Variants in DNAJC2 observed in about 807,000 individuals in gnomAD.
DNAJC2 encodes the protein DnaJ heat shock protein family (Hsp40) member C2, also known as dnaJ homolog subfamily C member 2.
DNAJC2 carries 32 observed loss-of-function variants against 94.0 expected under a neutral mutation model. The observed-to-expected ratio is 0.34, with a 90% CI of 0.26 to 0.46. The LOEUF (loss-of-function observed/expected upper bound fraction) is 0.46, where lower values mean the gene tolerates loss of function less well. Among genes scored for constraint, DNAJC2 ranks in the 20% least tolerant of loss-of-function variants. The pLI is 1.00. For missense variants in DNAJC2, 550 were observed against 719.5 expected, an observed-to-expected ratio of 0.76 and a Z score of 2.69; for synonymous variants, 210 against 229.7, an observed-to-expected ratio of 0.91 and a Z score of 0.77.
At chr7:103,343,972 T>C (rs1056159644) in intron 1 of DNAJC2, among the ~76,000 whole-genome samples, 13 of 152,230 alleles carry the variant, frequency 8.5e-5, no homozygotes, top group Non-Finnish European at 1.2e-4. Flanking sequence ...ACAATACTCA[T>C]GACTGTCCTG....
chr7:103,343,595 ACT>A (rs1233881707), intron 1 of DNAJC2, among the ~76,000 whole-genome samples: 1 of 152,122 alleles, frequency 6.6e-6, no homozygotes, highest in African/African-American at 2.4e-5. Context: ...GACCACAGAA[ACT>A]CTCTGAAATT....
intron 2 of DNAJC2, among the ~76,000 whole-genome samples, chr7:103,341,169 T>C (rs190076393): frequency 1.4e-3 from 219 of 152,336 alleles, no homozygotes; most frequent in Non-Finnish European, 2.3e-3. Context: ...GCACTAGCCC[T>C]ATAACAGTAA....
At chr7:103,313,290 C>T in intron 15 of DNAJC2, 189 bp from the exon 16 acceptor site, 1 of 1,331,490 alleles carries the variant, frequency 7.5e-7, no homozygotes, top group Non-Finnish European at 9.6e-7. Context: ...AGATAGCTCA[C>T]ATCCCAGAAA....
At position 103,312,311 on chromosome 7, in the gene DNAJC2, A is replaced by G. The variant is rs376858307; in HGVS notation, c.*258T>C. ...AGATTGTTTGAACACATGTATTTAT[A>G]AAACAGAGCTAGAGAAAAATAAAAA... On this transcript the variant is annotated 3_prime_UTR_variant, in exon 17 of 17. Coordinates refer to ENST00000379263, the MANE Select transcript of DNAJC2 (RefSeq NM_014377.3). 2.1e-5 allele frequency: 34 copies of G among 1,603,130 alleles called. No individual in the cohort carries two copies. Among genetic ancestry groups the G allele is most frequent in the Non-Finnish European group, 2.7e-5 (32 of 1,179,318 alleles).
chr7:103,340,380 GCTTA>G (rs1819331557), intron 2 of DNAJC2, among the ~76,000 whole-genome samples: 1 of 152,114 alleles, frequency 6.6e-6, no homozygotes, highest in South Asian at 2.1e-4. Flanking sequence ...CTTTCTGAGT[GCTTA>G]CTTTTCTAAA....
chr7:103,327,597 C>A lies in DNAJC2; in HGVS notation c.430+59G>T. 3 of 1,148,250 alleles carry A rather than the reference C, an allele frequency of 2.6e-6. No individual in the cohort carries two copies. In the South Asian group the frequency reaches 4.0e-5, roughly 15 times the overall value. 71.1% of individuals were successfully genotyped at this position (1,148,250 alleles called of 1,614,324 possible). A position where few individuals can be genotyped will look rare whatever the true frequency, so the allele number is the denominator to read the frequency against. On this transcript the variant is annotated intron_variant, in intron 4 of 16. Transcript: ENST00000379263. ...ACAGTATGCATAAGAAACCCAATCCCAGCAATTAATAAATAACAATTACTA... is the reference window on the plus strand; with the variant it reads ...ACAGTATGCATAAGAAACCCAATCCAAGCAATTAATAAATAACAATTACTA...
Position 103,319,478 on chromosome 7 carries a change from A to G in DNAJC2, c.1242+131T>C, listed in dbSNP as rs1035166818. 1.6e-5 allele frequency: 15 copies of G among 956,624 alleles called. No individual in the cohort carries two copies. In the South Asian group the frequency reaches 1.6e-4, roughly 10 times the overall value. The allele number at this position is 956,624 out of a possible 1,614,324, so 59.3% of individuals were successfully genotyped here. On this transcript the variant is annotated intron_variant, in intron 12 of 16. Coordinates refer to ENST00000379263, the MANE Select transcript of DNAJC2 (RefSeq NM_014377.3). ...AAACCGAACACATAAAACAACAACAACAAAACAGTGGGAAACATAAAGAGA... is the reference window on the plus strand; with the variant it reads ...AAACCGAACACATAAAACAACAACAGCAAAACAGTGGGAAACATAAAGAGA...
intron 3 of DNAJC2, among the ~76,000 whole-genome samples, chr7:103,331,683 C>T (rs571552463): frequency 2.0e-5 from 3 of 152,284 alleles, no homozygotes; most frequent in South Asian, 4.1e-4. Context: ...TTTCTGCAGA[C>T]GTTTCATTCT....
intron 9 of DNAJC2, 23 bp from the exon 10 acceptor site, chr7:103,322,104 C>A (rs774036735): frequency 2.5e-6 from 4 of 1,576,472 alleles, no homozygotes; most frequent in Non-Finnish European, 1.7e-6. Flanking sequence ...GGAGTAAAAT[C>A]ATTTTAATAG....
At chr7:103,330,184 A>G (rs1391380663) in intron 3 of DNAJC2, among the ~76,000 whole-genome samples, 2 of 152,154 alleles carry the variant, frequency 1.3e-5, no homozygotes, top group African/African-American at 4.8e-5. Flanking sequence ...CTGAGCTATA[A>G]TTTTGCTATA....
Position 103,313,037 on chromosome 7 carries a change from T to C in DNAJC2, c.1701A>G (p.Lys567=), listed in dbSNP as rs769879647. The C allele has an allele frequency of 6.8e-6, 11 of 1,613,998 alleles. No homozygotes were observed. In the Admixed American group the frequency reaches 1.2e-4, roughly 17 times the overall value. ...EEQKLLEQAL[K]TYPVNTPERW... is the part of the protein sequence containing the mutation. ...TTTCAGGTGTATTTACTGGGTATGT[T>C]TTCAAAGCTTGTTCCAAAAGCTTCT... The change falls in exon 16 of 17, where the codon AAA becomes AAG. Residue 567 remains lysine, a synonymous_variant. Coordinates refer to ENST00000379263, the MANE Select transcript of DNAJC2 (RefSeq NM_014377.3).
rs1196666895 is a variant in DNAJC2 at position 103,343,093 on chromosome 7, G to A, written c.65-1139C>T. 4.6e-5 allele frequency among the ~76,000 whole-genome samples: 7 copies of A among 151,778 alleles called. No individual in the cohort carries two copies. In the South Asian group the frequency reaches 1.0e-3, roughly 23 times the overall value. On this transcript the variant is annotated intron_variant, in intron 1 of 16. Coordinates refer to ENST00000379263, the MANE Select transcript of DNAJC2 (RefSeq NM_014377.3). Reference sequence around the variant, plus strand: ...CGGCTCACTGCAACCTCCGCCTCCCGGGTTCAAACGATTCTTCTGCCTCAG... The same window carrying A: ...CGGCTCACTGCAACCTCCGCCTCCCAGGTTCAAACGATTCTTCTGCCTCAG...
chr7:103,329,896 T>C (rs963224850), intron 3 of DNAJC2, among the ~76,000 whole-genome samples: 3 of 152,208 alleles, frequency 2.0e-5, no homozygotes, highest in African/African-American at 7.2e-5. Context: ...TATTTCCTTC[T>C]TTCCAATAGT....
intron 1 of DNAJC2, among the ~76,000 whole-genome samples, chr7:103,343,285 G>C (rs571806991): frequency 1.3e-5 from 2 of 152,330 alleles, no homozygotes; most frequent in African/African-American, 2.4e-5. Context: ...ATAGACGTGA[G>C]CCACCGCACC....
Position 103,313,163 on chromosome 7 carries a change from G to A in DNAJC2, c.1637-62C>T. 3 of 1,487,974 alleles carry A rather than the reference G, an allele frequency of 2.0e-6. No homozygotes were observed. In the South Asian group the frequency reaches 3.9e-5, roughly 19 times the overall value. The allele number at this position is 1,487,974 out of a possible 1,614,324, so 92.2% of individuals were successfully genotyped here. On this transcript the variant is annotated intron_variant, in intron 15 of 16. Transcript: ENST00000379263. ...GAACATGTTCTCAGACAAGTCTTGT[G>A]GTCCACAAGTATTCGCTAAGTGCCC...
chr7:103,319,734 A>G (rs921997739), intron 11 of DNAJC2, 22 bp downstream of exon 11: 1 of 1,614,200 alleles, frequency 6.2e-7, no homozygotes, highest in Non-Finnish European at 8.5e-7. Flanking sequence ...TGAAGACTTC[A>G]ATAGCAGTTC....
chr7:103,343,448 A>G (rs924395806), intron 1 of DNAJC2, among the ~76,000 whole-genome samples: 1 of 152,250 alleles, frequency 6.6e-6, no homozygotes, highest in Non-Finnish European at 1.5e-5. Flanking sequence ...ACAAGCTCTC[A>G]ATCTGAAACC....
intron 15 of DNAJC2, chr7:103,313,327 C>T (rs1817863852): frequency 7.8e-7 from 1 of 1,286,550 alleles, no homozygotes; most frequent in Admixed American, 3.8e-5. Flanking sequence ...TTTTAAAACA[C>T]AATAGTAAAG....
intron 3 of DNAJC2, chr7:103,337,496 C>T (rs1380493529): frequency 2.6e-6 from 1 of 389,064 alleles, no homozygotes; most frequent in South Asian, 5.3e-5. Context: ...TTTGTATCCA[C>T]ACACACACAC....
Sources: gnomAD v4.1 joint callset for allele counts (sites outside exome capture counted in the v4.1 genomes callset) on GRCh38, gnomAD v4.1.1 for gene constraint, MANE v1.5 for transcripts, NCBI Gene and HGNC (gene_info 2026-07-23, HGNC 2026-07-21) for gene names.